Variants in SIK3 observed in about 807,000 individuals in gnomAD.
SIK3 encodes serine/threonine-protein kinase SIK3.
SIK3 carries 28 observed loss-of-function variants against 144.2 expected under a neutral mutation model. That is an observed-to-expected ratio of 0.19 (90% CI 0.14 to 0.27). The LOEUF is 0.27. Ranked by LOEUF, SIK3 falls within the 10% of genes least tolerant of loss-of-function variation. The probability of loss-of-function intolerance (pLI) is 1.00; values close to 1 mark genes in which losing one functional copy is unlikely to be tolerated. For synonymous variants in SIK3, 686 were observed against 676.3 expected (o/e 1.01, Z -0.22); for missense variants, 1,319 against 1,776.0 (o/e 0.74, Z 4.62).
At chr11:116,914,206 ATT>A (rs34155083) in intron 4 of SIK3, among the ~76,000 whole-genome samples, 31,618 of 133,200 alleles carry the variant, frequency 0.24, 3,145 homozygotes, top group South Asian at 0.31. Context: ...CCCCTTCTCA[ATT>A]TTTTTTTTTT....
rs532756267 is a variant in SIK3 at position 116,866,149 on chromosome 11, G to C, written c.1952+1797C>G. 3.3e-5 allele frequency among the ~76,000 whole-genome samples: 5 copies of C among 152,228 alleles called. 1 individual carries two copies. In the South Asian group the frequency reaches 1.0e-3, roughly 32 times the overall value. ...AATGTCAACAGAATATAGGGTCTGT[G>C]ATAAAGCCTGACTCTGGAAATGTGA... On this transcript the variant is annotated intron_variant, in intron 15 of 24. Transcript: ENST00000445177.
At chr11:117,003,613 A>G (rs558658097) in intron 1 of SIK3, among the ~76,000 whole-genome samples, 2 of 152,308 alleles carry the variant, frequency 1.3e-5, no homozygotes, top group East Asian at 3.9e-4. Context: ...CAACAAAGCG[A>G]GACCCCAACT....
At chr11:117,043,539 A>C (rs554691647) in intron 1 of SIK3, among the ~76,000 whole-genome samples, 3 of 152,218 alleles carry the variant, frequency 2.0e-5, no homozygotes, top group Non-Finnish European at 4.4e-5. Flanking sequence ...TAGATGACAT[A>C]TTCATAGGAG....
intron 1 of SIK3, among the ~76,000 whole-genome samples, chr11:116,970,986 C>T (rs1204125927): frequency 6.6e-6 from 1 of 152,108 alleles, no homozygotes; most frequent in Non-Finnish European, 1.5e-5. Context: ...AATGTAGGAC[C>T]ATATGATAAT....
At chr11:116,869,848 G>C (rs953490696) in intron 14 of SIK3, 5 of 289,120 alleles carry the variant, frequency 1.7e-5, no homozygotes, top group Admixed American at 9.3e-5. Flanking sequence ...ATATCTCTTT[G>C]TTGGTACAAG....
Position 117,013,905 on chromosome 11 carries a change from G to GTGT in SIK3, c.274-56842_274-56841insACA, listed in dbSNP as rs1555127056. ...TATAAGTCTCCAGATTCTGAGGGGG[G>GTGT]GGGGGGGAGGGTGTGTGTGTGTGTG... On this transcript the variant is annotated intron_variant, in intron 1 of 24. Coordinates refer to ENST00000445177, the MANE Select transcript of SIK3 (RefSeq NM_001366686.3). 3.9e-3 allele frequency among the ~76,000 whole-genome samples: 186 copies of GTGT among 47,314 alleles called. 11 individuals carry two copies. Among genetic ancestry groups the GTGT allele is most frequent in the African/African-American group, 0.011 (160 of 14,982 alleles). 31.0% of individuals were successfully genotyped at this position (47,314 alleles called of 152,430 possible). A position where few individuals can be genotyped will look rare whatever the true frequency, so the allele number is the denominator to read the frequency against.
chr11:116,939,694 C>A (rs1263764049), intron 3 of SIK3, among the ~76,000 whole-genome samples: 1 of 152,182 alleles, frequency 6.6e-6, no homozygotes, highest in Non-Finnish European at 1.5e-5. Context: ...CTAAATATAA[C>A]TTCCACTTTC....
At chr11:116,924,721 G>C (rs1947181297) in intron 4 of SIK3, among the ~76,000 whole-genome samples, 1 of 152,182 alleles carries the variant, frequency 6.6e-6, no homozygotes, top group Admixed American at 6.5e-5. Context: ...AAGGAGAAAG[G>C]ATATGAGGAA....
At chr11:116,907,559 T>C (rs4938317) in intron 4 of SIK3, among the ~76,000 whole-genome samples, 24,316 of 152,088 alleles carry the variant, frequency 0.16, 2,040 homozygotes, top group African/African-American at 0.18. Context: ...GGCAGGAGAA[T>C]TGCTTGAACC....
chr11:116,912,122 C>T (rs1352993281), intron 4 of SIK3, among the ~76,000 whole-genome samples: 1 of 152,130 alleles, frequency 6.6e-6, no homozygotes, highest in African/African-American at 2.4e-5. Flanking sequence ...AGCATTTGTC[C>T]GCAGGCTGAA....
At chr11:117,056,049 A>T (rs1008772375) in intron 1 of SIK3, among the ~76,000 whole-genome samples, 1 of 152,232 alleles carries the variant, frequency 6.6e-6, no homozygotes, top group Admixed American at 6.5e-5. Context: ...AAGCTCTATC[A>T]GTTTGGAGGA....
intron 11 of SIK3, among the ~76,000 whole-genome samples, 155 bp from the exon 12 acceptor site, chr11:116,874,211 GC>G (rs1944123648): frequency 1.3e-5 from 2 of 152,214 alleles, no homozygotes; most frequent in Non-Finnish European, 2.9e-5. Context: ...CAAAGCAAAA[GC>G]CTAAAGTGTG....
chr11:116,949,400 C>T (rs148846544), intron 3 of SIK3, among the ~76,000 whole-genome samples: 35 of 152,374 alleles, frequency 2.3e-4, no homozygotes, highest in Non-Finnish European at 4.4e-4. Context: ...TAGTTGCTGG[C>T]TGATTGCCCT....
At chr11:117,055,430 A>C (rs1016111268) in intron 1 of SIK3, among the ~76,000 whole-genome samples, 2 of 152,262 alleles carry the variant, frequency 1.3e-5, no homozygotes, top group African/African-American at 4.8e-5. Context: ...AGAAAGAAAC[A>C]GAAACATAGA....
At chr11:117,044,535 G>A (rs1952874100) in intron 1 of SIK3, among the ~76,000 whole-genome samples, 1 of 151,734 alleles carries the variant, frequency 6.6e-6, no homozygotes. Flanking sequence ...CCAGGAAACA[G>A]TATTTCCCTC....
rs535195139 is a variant in SIK3 at position 116,938,877 on chromosome 11, C to T, written c.455-11497G>A. Among the ~76,000 whole-genome samples the T allele has an allele frequency of 7.1e-4, 108 of 152,240 alleles. 1 individual carries two copies. The highest frequency in any genetic ancestry group is 2.4e-3 in the African/African-American group (101 of 41,538). ...TTCAAAAGAAGAATGACTTAATGGA[C>T]TGAAGCACATAAAATATACTAAAAT... On this transcript the variant is annotated intron_variant, in intron 3 of 24. Transcript: ENST00000445177.
intron 1 of SIK3, among the ~76,000 whole-genome samples, chr11:117,049,423 C>T (rs146394873): frequency 2.2e-3 from 331 of 151,310 alleles, no homozygotes; most frequent in Non-Finnish European, 3.3e-3. Flanking sequence ...ACTAAAAATA[C>T]AAAAATTACC....
chr11:116,852,243 C>T (rs188064285), intron 21 of SIK3, among the ~76,000 whole-genome samples: 11 of 152,228 alleles, frequency 7.2e-5, no homozygotes, highest in African/African-American at 2.4e-4. Context: ...TGTTTTTATC[C>T]CTGAGAATGG....
rs115224342 is a variant in SIK3, at chr11:117,034,888, T to G, written c.273+63255A>C. Among the ~76,000 whole-genome samples, 875 of 152,346 alleles carry G rather than the reference T, an allele frequency of 5.7e-3. 11 individuals are homozygous for G. The highest frequency in any genetic ancestry group is 0.02 in the African/African-American group (839 of 41,580). ...TGCTTTTGGTTAACAAGAAATTCCT[T>G]TAGCTTAATTGTAACATGGCTACAG... On this transcript the variant is annotated intron_variant, in intron 1 of 24. Coordinates refer to ENST00000445177, the MANE Select transcript of SIK3 (RefSeq NM_001366686.3).
Sources: gnomAD v4.1 joint callset for allele counts (sites outside exome capture counted in the v4.1 genomes callset) on GRCh38, gnomAD v4.1.1 for gene constraint, MANE v1.5 for transcripts, NCBI Gene and HGNC (gene_info 2026-07-23, HGNC 2026-07-21) for gene names.